MED23: variants seen among roughly 807,000 people sequenced by gnomAD.
MED23 encodes the protein mediator of RNA polymerase II transcription subunit 23.
A neutral mutation model predicts 163.9 loss-of-function variants in MED23; 105 were observed. That is an observed-to-expected ratio of 0.64 (90% confidence interval 0.55 to 0.75). The LOEUF (loss-of-function observed/expected upper bound fraction) is 0.75. Ranked by LOEUF, MED23 falls within the 30% of genes least tolerant of loss-of-function variation. The pLI is 0.00. For synonymous variants in MED23, 561 were observed against 565.6 expected, an observed-to-expected ratio of 0.99 and a Z score of 0.12; for missense variants, 1,054 against 1,649.0, an observed-to-expected ratio of 0.64 and a Z score of 6.25.
Position 131,593,077 on chromosome 6 carries a change from A to C in MED23, c.3327T>G (p.Cys1109Trp). 1 of 1,614,248 alleles carries C rather than the reference A, an allele frequency of 6.2e-7. No homozygotes were observed. The highest frequency in any genetic ancestry group is 8.5e-7 in the Non-Finnish European group (1 of 1,180,036). Residue 1109 changes from cysteine to tryptophan, a missense_variant, in exon 24 of 29, where the codon TGT becomes TGG. Physicochemically the swap from Cys to Trp is radical, Grantham distance 215. Transcript: ENST00000368068. ...NPAAHALHVT[C>W]VELMALAVSG... ...AAACTGCCAAGGCCATGAGCTCCAC[A>C]CAAGTAACATGGAGAGCATGGGCAG...
At position 131,607,542 on chromosome 6, in the gene MED23, T is replaced by TAAC. The variant is rs544997519; in HGVS notation, c.1221+383_1221+385dup. On this transcript the variant is annotated intron_variant, in intron 12 of 28. Transcript: ENST00000368068. ...CCTGGGTGACAACAGTGAAACTCCTTAACAACAACAACAACAACAACAACA... is the reference window on the plus strand; with the variant it reads ...CCTGGGTGACAACAGTGAAACTCCTTAACAACAACAACAACAACAACAACAACA... 5.0e-3 allele frequency among the ~76,000 whole-genome samples: 754 copies of TAAC among 151,602 alleles called. 4 individuals are homozygous for TAAC. The highest frequency in any genetic ancestry group is 0.02 in the South Asian group (94 of 4,774).
At chr6:131,580,840 C>T (rs896437126) in intron 30 of MED23, among the ~76,000 whole-genome samples, 12 of 152,160 alleles carry the variant, frequency 7.9e-5, no homozygotes, top group African/African-American at 2.4e-4. Context: ...GATGAGTGTA[C>T]AGAAAATGAT....
intron 22 of MED23, among the ~76,000 whole-genome samples, chr6:131,595,450 GATT>G (rs1190458812): frequency 5.9e-5 from 9 of 152,178 alleles, no homozygotes; most frequent in Admixed American, 2.0e-4. Context: ...ACTTCCAGTT[GATT>G]ATTATCTGCA....
intron 30 of MED23, chr6:131,576,867 C>T: frequency 1.3e-6 from 1 of 770,902 alleles, no homozygotes; most frequent in Admixed American, 2.0e-5. Flanking sequence ...ACCCGAGAAA[C>T]ACATCCTACA....
In MED23 at chr6:131,589,611, A is replaced by C. The variant is rs1358684468; in HGVS notation, c.3808-15T>G. Reference sequence around the variant, plus strand: ...GCCACACCAATCTATTTAACAAATAATGTAAAATTATTTAAGTGATCAAGT... The same window carrying C: ...GCCACACCAATCTATTTAACAAATACTGTAAAATTATTTAAGTGATCAAGT... On this transcript the variant is annotated splice_polypyrimidine_tract_variant and intron_variant, in intron 27 of 28. Transcript: ENST00000368068. The C allele has an allele frequency of 1.9e-6, 3 of 1,612,484 alleles. No homozygotes were observed. The highest frequency in any genetic ancestry group is 2.5e-6 in the Non-Finnish European group (3 of 1,179,154).
In MED23 at chr6:131,598,317, A is replaced by G. The variant is rs761515957; in HGVS notation, c.2577T>C (p.Ile859=). The change falls in exon 20 of 29, where the codon ATT becomes ATC. Residue 859 remains isoleucine, a synonymous_variant. Transcript: ENST00000368068. The surrounding 1 kb of genome is among the most constrained non-coding windows in gnomAD (Gnocchi z 4.7). ...AGAGAATTAATCTGTCCAGTGTAAC[A>G]ATGTTATACTTCCATACCATGTCAT... The part of the protein sequence containing the change: ...ILNDMVWKYN[I]VTLDRLILCL... The G allele has an allele frequency of 6.2e-7, 1 of 1,614,018 alleles. No individual in the cohort carries two copies. The highest frequency in any genetic ancestry group is 2.2e-5 in the East Asian group (1 of 44,876).
chr6:131,613,635 A>C (rs1036357426), intron 10 of MED23, among the ~76,000 whole-genome samples: 3 of 152,198 alleles, frequency 2.0e-5, no homozygotes, highest in African/African-American at 4.8e-5. Context: ...TTCTGTCTAC[A>C]CATCCCCTAA....
In MED23 at chr6:131,589,687, C is replaced by T. The variant is rs183193313; in HGVS notation, c.3808-91G>A. 3,455 of 1,178,016 alleles carry T rather than the reference C, an allele frequency of 2.9e-3. 18 individuals carry two copies. Among genetic ancestry groups the T allele is most frequent in the Non-Finnish European group, 2.6e-3 (2,060 of 790,808 alleles). The allele number at this position is 1,178,016 out of a possible 1,614,324, so 73.0% of individuals were successfully genotyped here. Reference sequence around the variant, plus strand: ...CTGGGCTCCATTACAACACTAGCACCGGGGGATACTGTCTTTGCTGTAGAA... The same window carrying T: ...CTGGGCTCCATTACAACACTAGCACTGGGGGATACTGTCTTTGCTGTAGAA... On this transcript the variant is annotated intron_variant, in intron 27 of 28. Coordinates refer to ENST00000368068, the MANE Select transcript of MED23 (RefSeq NM_004830.4).
At chr6:131,595,887 T>C in intron 22 of MED23, 60 bp downstream of exon 22, 2 of 1,274,578 alleles carry the variant, frequency 1.6e-6, no homozygotes, top group Non-Finnish European at 2.3e-6. Flanking sequence ...CATGTGGTCC[T>C]GCCCATCCTA....
intron 4 of MED23, 48 bp from the exon 5 acceptor site, chr6:131,623,510 A>G: frequency 2.7e-6 from 4 of 1,482,376 alleles, no homozygotes; most frequent in Non-Finnish European, 3.8e-6. Context: ...GAATTTTCCA[A>G]GTTCTCTAAT....
rs766347773 is a variant in MED23 at position 131,594,178 on chromosome 6, G to A, written c.3153C>T (p.Cys1051=). Residue 1051 remains cysteine, a synonymous_variant, in exon 23 of 29, where the codon TGC becomes TGT. Coordinates refer to ENST00000368068, the MANE Select transcript of MED23 (RefSeq NM_004830.4). ...GWCLSDTYLK[C]AMNAREENPW... ...GATTTTCCTCTCGTGCATTCATAGC[G>A]CATTTCAGGTAAGTGTCACTTAGAC... The A allele has an allele frequency of 2.5e-5, 40 of 1,613,960 alleles. No homozygotes were observed. Among genetic ancestry groups the A allele is most frequent in the East Asian group, 2.2e-4 (10 of 44,900 alleles).
chr6:131,594,440 T>G, intron 22 of MED23, 105 bp from the exon 23 acceptor site: 4 of 888,984 alleles, frequency 4.5e-6, no homozygotes, highest in Non-Finnish European at 7.6e-6. Flanking sequence ...TCAGAAGATT[T>G]ATGAAACAAC....
Position 131,616,076 on chromosome 6 carries a change from A to T in MED23, c.781-74T>A, listed in dbSNP as rs905040064. On this transcript the variant is annotated intron_variant, in intron 9 of 28. Coordinates refer to ENST00000368068, the MANE Select transcript of MED23 (RefSeq NM_004830.4). The stretch of plus-strand genomic sequence containing the variant: ...AATCCAAATTATTAGAAATGAGATT[A>T]AAAAATCCTCTAAAGGCACTTGTTA... 1.3e-5 allele frequency: 17 copies of T among 1,264,988 alleles called. No homozygotes were observed. The East Asian group carries it at 1.4e-4, about 11-fold the overall frequency. The allele number at this position is 1,264,988 out of a possible 1,614,324, so 78.4% of individuals were successfully genotyped here.
Position 131,621,815 on chromosome 6 carries a change from A to G in MED23, c.495+66T>C, listed in dbSNP as rs1249911908. The G allele has an allele frequency of 6.0e-5, 62 of 1,038,202 alleles. 1 individual carries two copies. The highest frequency in any genetic ancestry group is 8.4e-6 in the Non-Finnish European group (6 of 710,266). The allele number at this position is 1,038,202 out of a possible 1,614,324, so 64.3% of individuals were successfully genotyped here. On this transcript the variant is annotated intron_variant, in intron 6 of 28. Transcript: ENST00000368068. The stretch of plus-strand genomic sequence containing the variant: ...ACAAAATACCGTAAGTATTAAAAGC[A>G]CAGACCTAAACAAAGCTAGACTTTT...
At chr6:131,603,603 C>T (rs568958800) in intron 15 of MED23, among the ~76,000 whole-genome samples, 3 of 151,826 alleles carry the variant, frequency 2.0e-5, no homozygotes, top group Non-Finnish European at 4.4e-5. Context: ...TCCTCCTACC[C>T]CCAAGAAAGT....
chr6:131,592,212 TC>T (rs1345447008), intron 25 of MED23, among the ~76,000 whole-genome samples, 175 bp downstream of exon 25: 1 of 152,156 alleles, frequency 6.6e-6, no homozygotes, highest in Non-Finnish European at 1.5e-5. Context: ...CAAAAACTAG[TC>T]ACTGTAGATT....
At chr6:131,601,823 C>T (rs1406000270) in intron 17 of MED23, among the ~76,000 whole-genome samples, 1 of 151,864 alleles carries the variant, frequency 6.6e-6, no homozygotes, top group Non-Finnish European at 1.5e-5. Context: ...TTTATTATTG[C>T]TATTTAAAAA....
Position 131,594,243 on chromosome 6 carries a change from T to C in MED23, c.3088A>G (p.Ile1030Val), listed in dbSNP as rs1196010450. Residue 1030 changes from isoleucine (I) to valine (V), a missense_variant, in exon 23 of 29, where the codon ATC becomes GTC. Ile to Val is a conservative substitution (Grantham distance 29, BLOSUM62 3). Transcript: ENST00000368068. ...AFLKRKLVHA[I>V]IGSLKDNRPQ... ...CGATTATCCTTCAGAGAGCCAATGA[T>C]CGCATGGACGAGTTTTCGTTTGAGA... The C allele has an allele frequency of 6.2e-7, 1 of 1,614,174 alleles. No individual in the cohort carries two copies. Among genetic ancestry groups the C allele is most frequent in the Non-Finnish European group, 8.5e-7 (1 of 1,180,026 alleles).
chr6:131,599,109 T>C (rs1775278561), intron 18 of MED23, among the ~76,000 whole-genome samples: 1 of 152,202 alleles, frequency 6.6e-6, no homozygotes, highest in Non-Finnish European at 1.5e-5. Flanking sequence ...GGAAAATCCA[T>C]TGCACTAGCC....
Sources: allele counts gnomAD v4.1 joint callset (sites outside exome capture counted in the v4.1 genomes callset), GRCh38; gene constraint gnomAD v4.1.1; non-coding constraint Gnocchi (gnomAD v3.1); transcripts MANE v1.5; gene names NCBI Gene and HGNC (gene_info 2026-07-23, HGNC 2026-07-21).